PIK3C3: variants seen among roughly 807,000 people sequenced by gnomAD.
The protein encoded by PIK3C3 is phosphatidylinositol 3-kinase catalytic subunit type 3, also known as PI3-kinase type 3.
Under a neutral mutation model 126.1 loss-of-function variants are expected in PIK3C3, and 95 were observed. The ratio of observed to expected loss-of-function variants is 0.75; its 90% CI spans 0.64 to 0.89. The LOEUF is 0.89. Ranked by LOEUF, PIK3C3 falls within the 40% of genes least tolerant of loss-of-function variation. PIK3C3 has a pLI of 0.00. For missense variants in PIK3C3, 829 were observed against 1,063.2 expected (o/e 0.78, Z 3.06); for synonymous variants, 374 against 360.0 (o/e 1.04, Z -0.44).
At chr18:41,956,024 A>G in intron 1 of PIK3C3, among the ~76,000 whole-genome samples, 1 of 142,392 alleles carries the variant, frequency 7.0e-6, no homozygotes, top group Admixed American at 7.5e-5. Context: ...GGATAATAGA[A>G]CTGGTATAAT....
chr18:41,996,948 T>C (rs1372829316), intron 9 of PIK3C3, among the ~76,000 whole-genome samples: 1 of 152,132 alleles, frequency 6.6e-6, no homozygotes, highest in Non-Finnish European at 1.5e-5. Flanking sequence ...TGAATGGGTT[T>C]TGAAGTCAGA....
chr18:42,006,361 G>GA (rs1184775220), intron 10 of PIK3C3, among the ~76,000 whole-genome samples: 4 of 152,084 alleles, frequency 2.6e-5, no homozygotes, highest in Admixed American at 1.3e-4. Context: ...GAGAAAAGCA[G>GA]AAAAAATCAG....
intron 22 of PIK3C3, among the ~76,000 whole-genome samples, chr18:42,064,386 G>A (rs1338269275): frequency 6.6e-6 from 1 of 152,028 alleles, no homozygotes; most frequent in East Asian, 1.9e-4. Flanking sequence ...AGCAAAAACA[G>A]ATAGATTTTA....
chr18:41,991,789 A>G (rs942975812), intron 6 of PIK3C3, among the ~76,000 whole-genome samples: 4 of 152,068 alleles, frequency 2.6e-5, no homozygotes, highest in Non-Finnish European at 5.9e-5. Flanking sequence ...TCTGCCTTTT[A>G]TTTTATAAAT....
chr18:41,972,012 G>A (rs965743907), intron 4 of PIK3C3, among the ~76,000 whole-genome samples: 2 of 151,820 alleles, frequency 1.3e-5, no homozygotes, highest in Admixed American at 1.3e-4. Context: ...AATAATTTTT[G>A]TAACAACTAT....
chr18:41,981,387 T>C (rs1981190156), intron 4 of PIK3C3, among the ~76,000 whole-genome samples: 1 of 152,202 alleles, frequency 6.6e-6, no homozygotes, highest in East Asian at 1.9e-4. Flanking sequence ...AGACTAGATT[T>C]ATCTTCAAGA....
chr18:41,983,519 C>A (rs1237175805), intron 4 of PIK3C3, among the ~76,000 whole-genome samples: 2 of 152,120 alleles, frequency 1.3e-5, no homozygotes, highest in East Asian at 3.8e-4. Context: ...TATAAATAGA[C>A]ATTGAATGAA....
chr18:42,011,132 G>A (rs1319252162), intron 10 of PIK3C3, among the ~76,000 whole-genome samples: 1 of 152,176 alleles, frequency 6.6e-6, no homozygotes, highest in Non-Finnish European at 1.5e-5. Flanking sequence ...ATAGAGCACA[G>A]GCAATGTAGA....
intron 6 of PIK3C3, among the ~76,000 whole-genome samples, 174 bp from the exon 7 acceptor site, chr18:41,993,096 A>G (rs1378175678): frequency 1.3e-5 from 2 of 152,182 alleles, no homozygotes; most frequent in African/African-American, 4.8e-5. Context: ...TCAACCAAGG[A>G]GAGGTACAAA....
At chr18:41,990,586 A>G in intron 6 of PIK3C3, 32 bp downstream of exon 6, 1 of 1,131,250 alleles carries the variant, frequency 8.8e-7, no homozygotes, top group Non-Finnish European at 1.3e-6. Flanking sequence ...TTGGTCTCTA[A>G]AGTAGAGGGG....
At chr18:41,982,892 C>T (rs1044252530) in intron 4 of PIK3C3, among the ~76,000 whole-genome samples, 1 of 152,156 alleles carries the variant, frequency 6.6e-6, no homozygotes, top group Non-Finnish European at 1.5e-5. Flanking sequence ...TAAGATACTT[C>T]TACCACATAA....
chr18:41,982,936 A>T (rs1013617147), intron 4 of PIK3C3, among the ~76,000 whole-genome samples: 3 of 152,174 alleles, frequency 2.0e-5, no homozygotes, highest in Non-Finnish European at 4.4e-5. Context: ...CATAGTGTAG[A>T]TAAGTCATAA....
At chr18:41,987,493 T>C (rs1165885079) in intron 4 of PIK3C3, among the ~76,000 whole-genome samples, 2 of 152,068 alleles carry the variant, frequency 1.3e-5, no homozygotes, top group African/African-American at 4.8e-5. Context: ...CATGAAACTA[T>C]TATTATAATT....
At chr18:42,008,259 G>A (rs1982643307) in intron 10 of PIK3C3, among the ~76,000 whole-genome samples, 1 of 152,040 alleles carries the variant, frequency 6.6e-6, no homozygotes, top group Admixed American at 6.6e-5. Context: ...AGTTCAAAAG[G>A]AGACAGATCC....
intron 24 of PIK3C3, among the ~76,000 whole-genome samples, chr18:42,074,424 T>G (rs1435983025): frequency 2.0e-5 from 3 of 152,098 alleles, no homozygotes; most frequent in Non-Finnish European, 4.4e-5. Flanking sequence ...AAGTAGAAAA[T>G]AAACTATATC....
chr18:42,004,254 C>A, intron 9 of PIK3C3, 102 bp from the exon 10 acceptor site: 1 of 796,852 alleles, frequency 1.3e-6, no homozygotes. Context: ...CTATCACTGA[C>A]TCCGTGGCTC....
chr18:42,052,031 AGGT>A (rs1984828961), intron 21 of PIK3C3, among the ~76,000 whole-genome samples: 3 of 151,988 alleles, frequency 2.0e-5, no homozygotes, highest in African/African-American at 7.2e-5. Flanking sequence ...GTGGAAAAAA[AGGT>A]AGTATTACAT....
intron 6 of PIK3C3, among the ~76,000 whole-genome samples, chr18:41,992,882 C>A (rs1981845693): frequency 6.6e-6 from 1 of 152,092 alleles, no homozygotes; most frequent in Non-Finnish European, 1.5e-5. Context: ...AATGATGCAA[C>A]ACATCCATTG....
intron 16 of PIK3C3, 25 bp downstream of exon 16, chr18:42,033,982 G>T: frequency 1.3e-6 from 2 of 1,522,768 alleles, no homozygotes; most frequent in Non-Finnish European, 8.9e-7. Flanking sequence ...TATTTAATGT[G>T]TATGATTGGA....
Sources: allele counts gnomAD v4.1 joint callset (sites outside exome capture counted in the v4.1 genomes callset), GRCh38; gene constraint gnomAD v4.1.1; transcripts MANE v1.5; gene names NCBI Gene and HGNC (gene_info 2026-07-23, HGNC 2026-07-21).